CNTNAP4: variants seen among roughly 807,000 people sequenced by gnomAD.
CNTNAP4 encodes contactin associated protein family member 4.
A neutral mutation model predicts 148.4 loss-of-function variants in CNTNAP4; 98 were observed. The observed-to-expected ratio is 0.66, with a 90% CI of 0.56 to 0.78. CNTNAP4 has a LOEUF of 0.78. Ranked by LOEUF, CNTNAP4 falls within the 30% of genes least tolerant of loss-of-function variation. CNTNAP4 has a pLI of 0.00. For synonymous variants in CNTNAP4, 730 were observed against 565.1 expected, an observed-to-expected ratio of 1.29 and a Z score of -4.14; for missense variants, 1,935 against 1,565.6, an observed-to-expected ratio of 1.24 and a Z score of -3.98.
intron 2 of CNTNAP4, among the ~76,000 whole-genome samples, chr16:76,350,451 A>T (rs967812630): frequency 6.6e-6 from 1 of 152,216 alleles, no homozygotes; most frequent in Non-Finnish European, 1.5e-5. Flanking sequence ...TTAGCATACA[A>T]TAGGCACTGG....
At chr16:76,489,296 G>A (rs2082128685) in intron 12 of CNTNAP4, among the ~76,000 whole-genome samples, 2 of 151,788 alleles carry the variant, frequency 1.3e-5, no homozygotes, top group African/African-American at 2.4e-5. Flanking sequence ...AGTTATAATA[G>A]GCAGCATTTT....
At chr16:76,431,928 T>A (rs111577949) in intron 4 of CNTNAP4, among the ~76,000 whole-genome samples, 19 of 152,254 alleles carry the variant, frequency 1.2e-4, no homozygotes, top group African/African-American at 4.3e-4. Flanking sequence ...TTTGACACAT[T>A]GAGTTCAAGG....
At chr16:76,406,122 G>T (rs2078592670) in intron 3 of CNTNAP4, among the ~76,000 whole-genome samples, 1 of 152,108 alleles carries the variant, frequency 6.6e-6, no homozygotes, top group Non-Finnish European at 1.5e-5. Flanking sequence ...TACTGTTAGT[G>T]CTATTTTACA....
Position 76,397,029 on chromosome 16 carries a change from A to G in CNTNAP4, c.391-30423A>G, listed in dbSNP as rs147273463. ...CTTGGGACTTAAGCAATGGAGAGGA[A>G]TTCATAAAGAGGTCTCATGGGTGGG... On this transcript the variant is annotated intron_variant, in intron 3 of 23. Coordinates refer to ENST00000611870, the MANE Select transcript of CNTNAP4 (RefSeq NM_033401.5). Among the ~76,000 whole-genome samples, 1,064 of 152,282 alleles carry G rather than the reference A, an allele frequency of 7.0e-3. 41 individuals carry two copies. The highest frequency in any genetic ancestry group is 0.056 in the Admixed American group (850 of 15,286).
intron 2 of CNTNAP4, 28 bp from the exon 3 acceptor site, chr16:76,355,290 T>C: frequency 6.8e-7 from 1 of 1,476,232 alleles, no homozygotes; most frequent in Non-Finnish European, 9.0e-7. Flanking sequence ...CTTTCTCAAT[T>C]TTCTCCTGTT....
intron 17 of CNTNAP4, among the ~76,000 whole-genome samples, chr16:76,522,776 C>CTTTTCTTTTCTTTTT (rs146242468): frequency 2.5e-5 from 2 of 78,778 alleles, no homozygotes; most frequent in Non-Finnish European, 2.9e-5. Flanking sequence ...CTTTTCTTTT[C>CTTTTCTTTTCTTTTT]TTTCTTGACA....
At chr16:76,329,047 T>C (rs1180655893) in intron 2 of CNTNAP4, among the ~76,000 whole-genome samples, 1 of 152,248 alleles carries the variant, frequency 6.6e-6, no homozygotes, top group Non-Finnish European at 1.5e-5. Flanking sequence ...ATAAAAAGTT[T>C]GTTAAAAACA....
At chr16:76,337,709 C>T (rs988374998) in intron 2 of CNTNAP4, among the ~76,000 whole-genome samples, 6 of 152,088 alleles carry the variant, frequency 3.9e-5, no homozygotes, top group African/African-American at 1.4e-4. Context: ...TGCAGGAGAC[C>T]AGGGTGTATT....
intron 3 of CNTNAP4, among the ~76,000 whole-genome samples, chr16:76,361,369 C>G (rs2013422528): frequency 6.6e-6 from 1 of 152,122 alleles, no homozygotes; most frequent in Non-Finnish European, 1.5e-5. Flanking sequence ...ATTTTAGATA[C>G]ATGTACCTCA....
At chr16:76,539,621 A>C (rs2084361758) in intron 19 of CNTNAP4, 98 bp from the exon 20 acceptor site, 1 of 1,016,254 alleles carries the variant, frequency 9.8e-7, no homozygotes, top group Non-Finnish European at 1.4e-6. Flanking sequence ...TTTCCCTCGA[A>C]ATGAATAAAT....
chr16:76,396,486 G>A (rs924330171), intron 3 of CNTNAP4, among the ~76,000 whole-genome samples: 2 of 152,166 alleles, frequency 1.3e-5, no homozygotes, highest in Admixed American at 6.6e-5. Context: ...AACCAAAGAG[G>A]TGGATGTCCA....
chr16:76,343,100 A>G (rs1475229875), intron 2 of CNTNAP4, among the ~76,000 whole-genome samples: 1 of 132,442 alleles, frequency 7.6e-6, no homozygotes, highest in Non-Finnish European at 1.6e-5. Context: ...AGCATAACCT[A>G]TTTTTTTTTT....
In CNTNAP4 at chr16:76,521,240, GACA is replaced by G. The variant is rs1294511777; in HGVS notation, c.2470_2472del (p.Thr824del). On this transcript the variant is annotated inframe_deletion, in exon 16 of 24. Coordinates refer to ENST00000611870, the MANE Select transcript of CNTNAP4 (RefSeq NM_033401.5). ...GCGCGGATGTATCTTTCTTTTTTAAGACAACAGCTTCATCTGGGGTATTTTTAG... is the reference window on the plus strand; with the variant it reads ...GCGCGGATGTATCTTTCTTTTTTAAGACAGCTTCATCTGGGGTATTTTTAG... 2 of 1,612,250 alleles carry G rather than the reference GACA, an allele frequency of 1.2e-6. No individual in the cohort carries two copies. Among genetic ancestry groups the G allele is most frequent in the Non-Finnish European group, 1.7e-6 (2 of 1,179,266 alleles).
At chr16:76,327,496 C>A (rs1016615003) in intron 2 of CNTNAP4, among the ~76,000 whole-genome samples, 1 of 152,062 alleles carries the variant, frequency 6.6e-6, no homozygotes, top group Non-Finnish European at 1.5e-5. Flanking sequence ...GCTGTTGTGA[C>A]CAGCTCTGTG....
intron 2 of CNTNAP4, among the ~76,000 whole-genome samples, chr16:76,318,611 G>A (rs1962061764): frequency 6.6e-6 from 1 of 150,852 alleles, no homozygotes; most frequent in East Asian, 1.9e-4. Context: ...TTTTCACAAA[G>A]GAACATCAGA....
chr16:76,407,201 T>G (rs550047244), intron 3 of CNTNAP4, among the ~76,000 whole-genome samples: 2 of 152,216 alleles, frequency 1.3e-5, no homozygotes, highest in South Asian at 4.2e-4. Context: ...CACATCTGTT[T>G]GCAACATGGT....
At chr16:76,422,012 A>C (rs1465868296) in intron 3 of CNTNAP4, among the ~76,000 whole-genome samples, 1 of 152,190 alleles carries the variant, frequency 6.6e-6, no homozygotes, top group Non-Finnish European at 1.5e-5. Context: ...TGAGTTGCTC[A>C]ATTAATATTT....
Position 76,489,712 on chromosome 16 carries a change from A to G in CNTNAP4, c.1909A>G (p.Asn637Asp). The change falls in exon 13 of 24, where the codon AAC becomes GAC. Residue 637 changes from asparagine (N) to aspartate (D), a missense_variant. Physicochemically the swap from Asn to Asp is conservative, Grantham distance 23. Transcript: ENST00000611870. The part of the protein sequence containing the change: ...TETAWTIIQH[N>D]GSDLTRVRNT... ...AACTGCATGGACCATCATACAGCACAACGGCTCTGACTTAACAAGAGTCAG... is the reference window on the plus strand; with the variant it reads ...AACTGCATGGACCATCATACAGCACGACGGCTCTGACTTAACAAGAGTCAG... The G allele has an allele frequency of 1.2e-6, 2 of 1,602,758 alleles. No homozygotes were observed. Among genetic ancestry groups the G allele is most frequent in the South Asian group, 1.1e-5 (1 of 88,928 alleles).
intron 3 of CNTNAP4, among the ~76,000 whole-genome samples, chr16:76,422,913 T>C (rs2079241884): frequency 6.6e-6 from 1 of 152,190 alleles, no homozygotes; most frequent in Admixed American, 6.5e-5. Context: ...ACTTCATATA[T>C]TGAAATCTTA....
Sources: allele counts gnomAD v4.1 joint callset (sites outside exome capture counted in the v4.1 genomes callset), GRCh38; gene constraint gnomAD v4.1.1; transcripts MANE v1.5; gene names NCBI Gene and HGNC (gene_info 2026-07-23, HGNC 2026-07-21).